Variants in DGKK observed in about 807,000 individuals in gnomAD.
The protein encoded by DGKK is 142 kDa diacylglycerol kinase.
In DGKK, 35 loss-of-function variants were observed where a neutral mutation model predicts 92.2. That is an observed-to-expected ratio of 0.38 (90% CI 0.29 to 0.50). DGKK has a LOEUF of 0.50. DGKK is among the 20% of genes least tolerant of loss of function. The pLI, the probability that DGKK is intolerant of heterozygous loss-of-function variation, is 0.92. For missense variants in DGKK, 910 were observed against 992.2 expected (o/e 0.92, Z 1.11); for synonymous variants, 368 against 360.6 (o/e 1.02, Z -0.23).
At chrX:50,407,684 G>T (rs1236022109) in intron 4 of DGKK, among the ~76,000 whole-genome samples, 1 of 111,773 alleles carries the variant, frequency 8.9e-6, no homozygotes, top group Non-Finnish European at 1.9e-5. Flanking sequence ...ACACAATGCA[G>T]TCCATAACAG....
chrX:50,408,527 C>T (rs1925222943), intron 4 of DGKK, among the ~76,000 whole-genome samples: 2 of 110,503 alleles, frequency 1.8e-5, no homozygotes, highest in East Asian at 2.9e-4. Context: ...TACAGGCGCC[C>T]GCCACCACGC....
chrX:50,421,632 C>G (rs1194990771), intron 3 of DGKK, among the ~76,000 whole-genome samples: 2 of 111,905 alleles, frequency 1.8e-5, no homozygotes, highest in Non-Finnish European at 1.9e-5. Flanking sequence ...CAACAGAGCC[C>G]TCAGTTTTAC....
At chrX:50,378,405 T>C (rs1277522128) in intron 21 of DGKK, among the ~76,000 whole-genome samples, 173 bp from the exon 22 acceptor site, 1 of 111,898 alleles carries the variant, frequency 8.9e-6, no homozygotes, top group Non-Finnish European at 1.9e-5. Context: ...TTTGCTCCAT[T>C]GGCTTCTGCC....
chrX:50,450,968 A>T (rs1371774122), intron 1 of DGKK, among the ~76,000 whole-genome samples: 4 of 111,623 alleles, frequency 3.6e-5, no homozygotes, highest in Non-Finnish European at 7.5e-5. Context: ...AAATCCATGC[A>T]TCAGAAATTG....
At chrX:50,452,662 T>G (rs1158495314) in intron 1 of DGKK, among the ~76,000 whole-genome samples, 1 of 112,183 alleles carries the variant, frequency 8.9e-6, no homozygotes, top group Non-Finnish European at 1.9e-5. Context: ...AGTGAATGAA[T>G]TCCACCATGT....
At chrX:50,407,356 TGG>T (rs1244647102) in intron 4 of DGKK, among the ~76,000 whole-genome samples, 1 of 111,940 alleles carries the variant, frequency 8.9e-6, no homozygotes, top group Non-Finnish European at 1.9e-5. Flanking sequence ...AGTTTACAGC[TGG>T]AAAGTCCAAG....
In DGKK at chrX:50,386,365, A is replaced by G. The variant is rs1924542849; in HGVS notation, c.2340T>C (p.Val780=). 2 of 1,204,205 alleles carry G rather than the reference A, an allele frequency of 1.7e-6. No individual in the cohort carries two copies. Among genetic ancestry groups the G allele is most frequent in the South Asian group, 3.5e-5 (2 of 56,610 alleles). The change falls in exon 15 of 28, where the codon GTT becomes GTC. Residue 780 remains valine, a synonymous_variant. Transcript: ENST00000611977. ...CAACCCTGGCCACCTTACCTTGTTC[A>G]ACTTGAAATATGATGAGTTTCAAGG... The part of the protein sequence containing the change: ...QKSLKLIIFQ[V]EQALDEESRQ...
chrX:50,376,979 ATCTG>A, intron 22 of DGKK, 61 bp from the exon 23 acceptor site: 1 of 1,091,764 alleles, frequency 9.2e-7, no homozygotes, highest in Non-Finnish European at 1.2e-6. Flanking sequence ...CACATGACAG[ATCTG>A]TCTGTGAGCC....
chrX:50,429,088 C>G (rs1041167807), intron 1 of DGKK, among the ~76,000 whole-genome samples: 1 of 111,909 alleles, frequency 8.9e-6, no homozygotes, highest in Admixed American at 9.4e-5. Context: ...TTGCCTATCC[C>G]CTAAGAAGAT....
At chrX:50,438,262 G>A (rs1313087259) in intron 1 of DGKK, among the ~76,000 whole-genome samples, 1 of 108,118 alleles carries the variant, frequency 9.2e-6, no homozygotes, top group East Asian at 3.0e-4. Flanking sequence ...AAAAAGCAAT[G>A]TTCTAATTAG....
chrX:50,394,432 C>A (rs1329978803), intron 8 of DGKK, among the ~76,000 whole-genome samples: 1 of 111,693 alleles, frequency 9.0e-6, no homozygotes, highest in Non-Finnish European at 1.9e-5. Context: ...CAGTCATGCA[C>A]CAAATTTTTA....
chrX:50,369,007 T>C lies in DGKK; in HGVS notation c.3749A>G (p.His1250Arg), dbSNP rs782780988. The C allele has an allele frequency of 4.2e-6, 5 of 1,203,363 alleles. No homozygotes were observed. The Admixed American group carries it at 1.1e-4, about 27-fold the overall frequency. Reference sequence around the variant, plus strand: ...TGCTTCATCTTCACGATGTCTGCGGTGCCATAAATTGCCTTCAGAGGAAAA... The same window carrying C: ...TGCTTCATCTTCACGATGTCTGCGGCGCCATAAATTGCCTTCAGAGGAAAA... Reference protein sequence around the residue: ...SVQSFIGNLWHRRHREDEAEG... With the variant: ...SVQSFIGNLWRRRHREDEAEG... Residue 1250 changes from histidine to arginine, a missense_variant, in exon 28 of 28, where the codon CAC (histidine) becomes CGC (arginine). Coordinates refer to ENST00000611977, the MANE Select transcript of DGKK (RefSeq NM_001013742.4).
At chrX:50,416,683 T>C (rs187676036) in intron 4 of DGKK, among the ~76,000 whole-genome samples, 1 of 112,001 alleles carries the variant, frequency 8.9e-6, no homozygotes, top group African/African-American at 3.2e-5. Context: ...GACCATGTTG[T>C]CCAAATTGGG....
In DGKK at chrX:50,371,799, G is replaced by A. The variant is rs782318161; in HGVS notation, c.3537C>T (p.Ser1179=). Residue 1179 remains serine, a synonymous_variant, in exon 26 of 28, where the codon AGC becomes AGT. Transcript: ENST00000611977. The stretch of plus-strand genomic sequence containing the variant: ...ACTCCTTATTCATGGCATCCAGGGC[G>A]CTTTGTAGTGCAGTCTCATCCTCAG... ...RSAEDETALQ[S]ALDAMNKEFK... 53 of 1,203,237 alleles carry A rather than the reference G, an allele frequency of 4.4e-5. No individual in the cohort carries two copies. Among genetic ancestry groups the A allele is most frequent in the East Asian group, 3.9e-4 (13 of 33,643 alleles).
intron 8 of DGKK, among the ~76,000 whole-genome samples, chrX:50,395,195 A>G (rs183142694): frequency 1.9e-4 from 21 of 111,389 alleles, no homozygotes; most frequent in African/African-American, 6.5e-4. Context: ...AAAGGTGTTA[A>G]CTTTTTATGT....
At chrX:50,378,288 CTA>C in intron 21 of DGKK, 56 bp from the exon 22 acceptor site, 4 of 1,156,966 alleles carry the variant, frequency 3.5e-6, no homozygotes, top group Non-Finnish European at 4.6e-6. Context: ...TGCTGTAACT[CTA>C]TCTGATAATC....
Position 50,370,445 on chromosome X carries a change from C to G in DGKK, c.3717G>C (p.Gln1239His), listed in dbSNP as rs1425148221. Residue 1239 changes from glutamine (Q) to histidine (H), a missense_variant, in exon 27 of 28, where the codon CAG becomes CAC. By Grantham distance (24) the Gln-to-His change is conservative. Coordinates refer to ENST00000611977, the MANE Select transcript of DGKK (RefSeq NM_001013742.4). ...VEEERKPKSGQSVQSFIGNLW... is the reference protein window; with the variant it reads ...VEEERKPKSGHSVQSFIGNLW... ...ACTTACCAATAAAACTCTGGACACT[C>G]TGGCCTGATTTAGGCTTGCGTTCCT... is the stretch of plus-strand genomic sequence containing the variant. 5.9e-6 allele frequency: 7 copies of G among 1,190,525 alleles called. No individual in the cohort carries two copies. Among genetic ancestry groups the G allele is most frequent in the South Asian group, 5.6e-5 (3 of 53,945 alleles).
chrX:50,423,328 C>A (rs1477940964), intron 2 of DGKK, among the ~76,000 whole-genome samples: 1 of 111,618 alleles, frequency 9.0e-6, no homozygotes, highest in Non-Finnish European at 1.9e-5. Context: ...AGACTCAAAT[C>A]AAGTACAAGA....
chrX:50,454,603 A>C (rs1449700750), intron 1 of DGKK, among the ~76,000 whole-genome samples: 1 of 111,875 alleles, frequency 8.9e-6, no homozygotes, highest in Non-Finnish European at 1.9e-5. Context: ...AAGCTCTTTG[A>C]TATCAGCTGA....
Sources: gnomAD v4.1 joint callset for allele counts (sites outside exome capture counted in the v4.1 genomes callset) on GRCh38, gnomAD v4.1.1 for gene constraint, MANE v1.5 for transcripts, NCBI Gene and HGNC (gene_info 2026-07-23, HGNC 2026-07-21) for gene names.